ERG: variants seen among roughly 807,000 people sequenced by gnomAD.
ERG encodes ETS transcription factor ERG, also known as transcriptional regulator ERG.
In ERG, 9 loss-of-function variants were observed where a neutral mutation model predicts 55.3. The ratio of observed to expected loss-of-function variants is 0.16; its 90% CI spans 0.10 to 0.28. ERG has a LOEUF of 0.28. Among genes scored for constraint, ERG ranks in the 10% least tolerant of loss-of-function variants. The pLI is 1.00. For missense variants in ERG, 434 were observed against 631.6 expected (o/e 0.69, Z 3.35); for synonymous variants, 223 against 237.3 (o/e 0.94, Z 0.55).
Position 38,478,973 on chromosome 21 carries a change from C to A in ERG, c.18+19390G>T, listed in dbSNP as rs184110235. Reference sequence around the variant, plus strand: ...TGCTTCTGACGAACTGTGTGGGCTGCCCTAAGCTTTTGCATGTCTCGACAC... The same window carrying A: ...TGCTTCTGACGAACTGTGTGGGCTGACCTAAGCTTTTGCATGTCTCGACAC... On this transcript the variant is annotated intron_variant, in intron 1 of 9. Transcript: ENST00000288319. Among the ~76,000 whole-genome samples, 263 of 152,204 alleles carry A rather than the reference C, an allele frequency of 1.7e-3. 1 individual carries two copies. Among genetic ancestry groups the A allele is most frequent in the African/African-American group, 5.6e-3 (234 of 41,532 alleles).
At chr21:38,561,574 T>G (rs1568914033) in intron 2 of ERG, among the ~76,000 whole-genome samples, 1 of 152,220 alleles carries the variant, frequency 6.6e-6, no homozygotes, top group Non-Finnish European at 1.5e-5. Context: ...CATATATTTT[T>G]GATTAATGAC....
chr21:38,380,471 G>A lies in ERG; in HGVS notation c.*2932C>T. On this transcript the variant is annotated 3_prime_UTR_variant, in exon 10 of 10. Transcript: ENST00000288319. ...CACATACAAGGCCCGAAAGCCAATT[G>A]AAGACAAGAAAAGAAGACAAATCTC... 1 of 1,064,992 alleles carries A rather than the reference G, an allele frequency of 9.4e-7. No individual in the cohort carries two copies. The highest frequency in any genetic ancestry group is 1.1e-6 in the Non-Finnish European group (1 of 879,088). 66.0% of individuals were successfully genotyped at this position (1,064,992 alleles called of 1,614,324 possible).
At chr21:38,517,361 C>G (rs527537419) in intron 2 of ERG, among the ~76,000 whole-genome samples, 1 of 151,948 alleles carries the variant, frequency 6.6e-6, no homozygotes. Flanking sequence ...AAAAAAAATA[C>G]TCAATATCAC....
chr21:38,548,596 C>T (rs1388093983), intron 2 of ERG, among the ~76,000 whole-genome samples: 10 of 146,468 alleles, frequency 6.8e-5, no homozygotes, highest in South Asian at 2.3e-4. Context: ...TAGAGGCACC[C>T]GCCACCACGC....
intron 1 of ERG, among the ~76,000 whole-genome samples, chr21:38,581,365 A>T (rs2836539): frequency 0.061 from 9,226 of 152,306 alleles, 946 homozygotes; most frequent in African/African-American, 0.21. Context: ...AATGAGGATA[A>T]TATTACTGTA....
chr21:38,467,937 A>T (rs1312321424), intron 1 of ERG, among the ~76,000 whole-genome samples: 3 of 152,218 alleles, frequency 2.0e-5, no homozygotes, highest in Non-Finnish European at 4.4e-5. Context: ...ATGGCCATGC[A>T]TGCTGTAGCC....
intron 1 of ERG, among the ~76,000 whole-genome samples, chr21:38,453,663 A>G (rs1168697389): frequency 6.6e-6 from 1 of 152,154 alleles, no homozygotes; most frequent in Admixed American, 6.5e-5. Flanking sequence ...CAGGTGGATC[A>G]CCTGAGGTCA....
intron 1 of ERG, among the ~76,000 whole-genome samples, chr21:38,604,020 G>T (rs62217490): frequency 1.3e-5 from 2 of 151,926 alleles, no homozygotes; most frequent in Non-Finnish European, 2.9e-5. Flanking sequence ...GGGCCGAGGC[G>T]GGCGGATCAT....
chr21:38,503,890 T>C (rs575776641), intron 2 of ERG, among the ~76,000 whole-genome samples: 1 of 152,204 alleles, frequency 6.6e-6, no homozygotes, highest in South Asian at 2.1e-4. Context: ...ATGAAGACAC[T>C]CTCAGCCCTC....
Position 38,612,337 on chromosome 21 carries a change from T to C in ERG, c.-149-27392A>G, listed in dbSNP as rs370750696. 2.6e-5 allele frequency among the ~76,000 whole-genome samples: 4 copies of C among 152,336 alleles called. No individual in the cohort carries two copies. The East Asian group carries it at 5.8e-4, about 22-fold the overall frequency. On this transcript the variant is annotated intron_variant, in intron 1 of 10. Transcript: ENST00000398910. ...CTTTCTTATTTTAGAAATAAAGTAA[T>C]AGGATTAGCTTTTTGATTAAAGCAT...
intron 2 of ERG, among the ~76,000 whole-genome samples, chr21:38,435,182 T>G (rs1001341929): frequency 6.6e-6 from 1 of 152,134 alleles, no homozygotes; most frequent in African/African-American, 2.4e-5. Context: ...TGAATACAAA[T>G]AAATCCCTTC....
At chr21:38,622,078 C>T (rs564959047) in intron 1 of ERG, among the ~76,000 whole-genome samples, 1 of 152,354 alleles carries the variant, frequency 6.6e-6, no homozygotes, top group East Asian at 1.9e-4. Context: ...CCAGGACATG[C>T]ACGGGAGGAA....
At chr21:38,637,703 G>T (rs773136383) in intron 1 of ERG, among the ~76,000 whole-genome samples, 1 of 152,140 alleles carries the variant, frequency 6.6e-6, no homozygotes, top group African/African-American at 2.4e-5. Flanking sequence ...TTAACTTACT[G>T]TAATATCAAC....
intron 1 of ERG, among the ~76,000 whole-genome samples, chr21:38,594,593 A>G (rs939154024): frequency 6.6e-6 from 1 of 152,186 alleles, no homozygotes; most frequent in African/African-American, 2.4e-5. Flanking sequence ...AGGTTTTGTG[A>G]TGCAGATGAA....
intron 2 of ERG, among the ~76,000 whole-genome samples, chr21:38,573,741 G>A (rs1192951391): frequency 1.3e-5 from 2 of 152,158 alleles, no homozygotes; most frequent in Non-Finnish European, 2.9e-5. Flanking sequence ...GCCGGTGCAG[G>A]TCCTTGGTAT....
intron 2 of ERG, among the ~76,000 whole-genome samples, chr21:38,537,311 T>G (rs888902437): frequency 2.0e-5 from 3 of 151,930 alleles, no homozygotes; most frequent in Non-Finnish European, 4.4e-5. Flanking sequence ...AGAGACAAAT[T>G]TGCCTGCACT....
rs117691354 is a variant in ERG at position 38,592,653 on chromosome 21, G to A, written c.-149-7708C>T. The stretch of plus-strand genomic sequence containing the variant: ...GCACCACTAACTCTGCTATACTTTA[G>A]AACTCAGTAAGGCAATCCTTAGACT... On this transcript the variant is annotated intron_variant, in intron 1 of 10. Coordinates refer to the ERG transcript ENST00000398910. 2.8e-3 allele frequency among the ~76,000 whole-genome samples: 418 copies of A among 150,530 alleles called. 1 individual carries two copies. Among genetic ancestry groups the A allele is most frequent in the Non-Finnish European group, 4.5e-3 (306 of 67,812 alleles).
At chr21:38,479,364 C>T (rs1255913599) in intron 1 of ERG, among the ~76,000 whole-genome samples, 1 of 152,160 alleles carries the variant, frequency 6.6e-6, no homozygotes, top group Admixed American at 6.5e-5. Context: ...GCCTGGTCTC[C>T]TTCCCACCTG....
In ERG at chr21:38,480,591, C is replaced by CTTTTTTTTTTTT. The variant is rs544037525; in HGVS notation, c.18+17760_18+17771dup. Among the ~76,000 whole-genome samples, 72 of 51,124 alleles carry CTTTTTTTTTTTT rather than the reference C, an allele frequency of 1.4e-3. 10 individuals carry two copies. The highest frequency in any genetic ancestry group is 2.3e-3 in the African/African-American group (29 of 12,860). The allele number at this position is 51,124 out of a possible 152,430, so 33.5% of individuals were successfully genotyped here. On this transcript the variant is annotated intron_variant, in intron 1 of 9. Coordinates refer to ENST00000288319, the MANE Select transcript of ERG (RefSeq NM_182918.4). The stretch of plus-strand genomic sequence containing the variant: ...TTGCCACTTTAGGGCACTATATGGC[C>CTTTTTTTTTTTT]TTTTTTTTTTTTTTTTTTTTTTTGC...
Sources: allele counts gnomAD v4.1 joint callset (sites outside exome capture counted in the v4.1 genomes callset), GRCh38; gene constraint gnomAD v4.1.1; transcripts MANE v1.5; gene names NCBI Gene and HGNC (gene_info 2026-07-23, HGNC 2026-07-21).